Variants in ASIC2 observed in about 807,000 individuals in gnomAD.
The protein encoded by ASIC2 is acid sensing ion channel subunit 2, also known as acid-sensing ion channel 2.
A neutral mutation model predicts 57.3 loss-of-function variants in ASIC2; 25 were observed. That is an observed-to-expected ratio of 0.44 (90% confidence interval 0.32 to 0.61). The LOEUF (loss-of-function observed/expected upper bound fraction) is 0.61. Ranked by LOEUF, ASIC2 falls within the 20% of genes least tolerant of loss-of-function variation. ASIC2 has a pLI of 0.06. For synonymous variants in ASIC2, 319 were observed against 307.5 expected, an observed-to-expected ratio of 1.04 and a Z score of -0.39; for missense variants, 641 against 738.1, an observed-to-expected ratio of 0.87 and a Z score of 1.52.
chr17:33,865,591 A>T (rs966074399), intron 1 of ASIC2, among the ~76,000 whole-genome samples: 1 of 151,996 alleles, frequency 6.6e-6, no homozygotes. Flanking sequence ...TCTATGGTGG[A>T]TGCTCTTTCT....
chr17:33,132,720 T>G (rs551213540), intron 1 of ASIC2, among the ~76,000 whole-genome samples: 3 of 152,254 alleles, frequency 2.0e-5, no homozygotes, highest in Non-Finnish European at 2.9e-5. Context: ...CCTGGCTTTA[T>G]GCAGGCATCT....
chr17:33,344,318 A>T (rs320642), intron 1 of ASIC2, among the ~76,000 whole-genome samples: 1 of 152,052 alleles, frequency 6.6e-6, no homozygotes, highest in African/African-American at 2.4e-5. Context: ...GCAGGGACGT[A>T]CAGATTTGGA....
chr17:34,131,354 G>A (rs960742119), intron 1 of ASIC2, among the ~76,000 whole-genome samples: 2 of 152,160 alleles, frequency 1.3e-5, no homozygotes, highest in African/African-American at 4.8e-5. Flanking sequence ...ATTCTGAGTA[G>A]GCCATTGTAT....
intron 1 of ASIC2, among the ~76,000 whole-genome samples, chr17:33,683,948 A>G (rs1002167763): frequency 6.6e-6 from 1 of 152,254 alleles, no homozygotes; most frequent in Non-Finnish European, 1.5e-5. Context: ...ACTGGGAGCT[A>G]GGACACTCCA....
intron 1 of ASIC2, among the ~76,000 whole-genome samples, chr17:33,621,910 A>G (rs1905814390): frequency 6.6e-6 from 1 of 152,108 alleles, no homozygotes; most frequent in South Asian, 2.1e-4. Flanking sequence ...TTGGGATGAT[A>G]ATAGTACCTA....
At chr17:34,078,737 C>T (rs889818573) in intron 1 of ASIC2, among the ~76,000 whole-genome samples, 1 of 152,138 alleles carries the variant, frequency 6.6e-6, no homozygotes, top group Non-Finnish European at 1.5e-5. Context: ...GAAGATTTCC[C>T]AGGGGCGGTC....
At chr17:33,400,003 A>T (rs1266680212) in intron 1 of ASIC2, among the ~76,000 whole-genome samples, 1 of 152,242 alleles carries the variant, frequency 6.6e-6, no homozygotes, top group Admixed American at 6.5e-5. Flanking sequence ...GACCTGGGTT[A>T]CCATAGAGAC....
At chr17:33,658,291 G>A (rs1018171977) in intron 1 of ASIC2, among the ~76,000 whole-genome samples, 1 of 152,232 alleles carries the variant, frequency 6.6e-6, no homozygotes, top group African/African-American at 2.4e-5. Context: ...GCCAGGAAGC[G>A]AAGCATAGGA....
At chr17:33,763,234 A>C (rs1182676213) in intron 1 of ASIC2, among the ~76,000 whole-genome samples, 3 of 152,186 alleles carry the variant, frequency 2.0e-5, no homozygotes, top group Non-Finnish European at 4.4e-5. Context: ...AGGATTTAAC[A>C]TCATGCTTGG....
At chr17:33,225,324 C>G (rs561440894) in intron 1 of ASIC2, among the ~76,000 whole-genome samples, 10 of 152,272 alleles carry the variant, frequency 6.6e-5, no homozygotes, top group African/African-American at 2.4e-4. Flanking sequence ...TTACTGTCTG[C>G]GTGATTGGAG....
At chr17:34,117,886 C>A (rs533791443) in intron 1 of ASIC2, among the ~76,000 whole-genome samples, 1 of 152,212 alleles carries the variant, frequency 6.6e-6, no homozygotes, top group Non-Finnish European at 1.5e-5. Context: ...CAGCAAGGAG[C>A]AAATCTCCCC....
intron 1 of ASIC2, among the ~76,000 whole-genome samples, chr17:33,652,723 C>A (rs998666264): frequency 1.3e-5 from 2 of 152,188 alleles, no homozygotes; most frequent in African/African-American, 4.8e-5. Context: ...TGGGAGGAGA[C>A]CGTTCTTCCT....
intron 1 of ASIC2, among the ~76,000 whole-genome samples, chr17:34,076,072 G>A (rs1567810895): frequency 1.3e-5 from 2 of 151,502 alleles, no homozygotes; most frequent in East Asian, 1.9e-4. Flanking sequence ...GCATGATCTC[G>A]GCTCACTGCA....
chr17:33,138,992 T>G (rs1208925842), intron 1 of ASIC2, among the ~76,000 whole-genome samples: 1 of 152,168 alleles, frequency 6.6e-6, no homozygotes, highest in Non-Finnish European at 1.5e-5. Flanking sequence ...CCCTGGCATG[T>G]GGCCTTAGGT....
At chr17:33,944,234 T>A (rs1916256662) in intron 1 of ASIC2, among the ~76,000 whole-genome samples, 2 of 152,226 alleles carry the variant, frequency 1.3e-5, no homozygotes, top group African/African-American at 4.8e-5. Context: ...CATGGAGAGA[T>A]AATATCTGAT....
chr17:33,859,008 A>T (rs1289906893), intron 1 of ASIC2, among the ~76,000 whole-genome samples: 2 of 152,244 alleles, frequency 1.3e-5, no homozygotes, highest in Non-Finnish European at 2.9e-5. Flanking sequence ...CATTGAAAAG[A>T]TAAACCATAT....
chr17:33,485,079 G>C (rs1199424796), intron 1 of ASIC2, among the ~76,000 whole-genome samples: 4 of 152,236 alleles, frequency 2.6e-5, no homozygotes, highest in African/African-American at 9.6e-5. Context: ...GAACCCTCAT[G>C]GGCTAAGCCC....
At chr17:33,834,910 A>G (rs1039206059) in intron 1 of ASIC2, among the ~76,000 whole-genome samples, 1 of 152,200 alleles carries the variant, frequency 6.6e-6, no homozygotes. Context: ...CACCTAGGAC[A>G]GTATTCCAAA....
At chr17:33,976,144 TCTTGGATCATTTACA>T (rs1905377363) in intron 1 of ASIC2, among the ~76,000 whole-genome samples, 1 of 148,972 alleles carries the variant, frequency 6.7e-6, no homozygotes, top group Admixed American at 6.7e-5. Flanking sequence ...TTACAGATGA[TCTTGGATCATTTACA>T]GATCCAAGAT....
Sources: gnomAD v4.1 joint callset for allele counts (sites outside exome capture counted in the v4.1 genomes callset) on GRCh38, gnomAD v4.1.1 for gene constraint, MANE v1.5 for transcripts, NCBI Gene and HGNC (gene_info 2026-07-23, HGNC 2026-07-21) for gene names.